Variants in NYAP2 observed in about 807,000 individuals in gnomAD.
NYAP2 encodes neuronal tyrosine-phosphorylated phosphoinositide-3-kinase adapter 2.
In NYAP2, 23 loss-of-function variants were observed where a neutral mutation model predicts 50.4. That is an observed-to-expected ratio of 0.46 (90% CI 0.33 to 0.65). The LOEUF (loss-of-function observed/expected upper bound fraction) is 0.65, where lower values mean the gene tolerates loss of function less well. Among genes scored for constraint, NYAP2 ranks in the 30% least tolerant of loss-of-function variants. The probability of loss-of-function intolerance (pLI) is 0.02; values close to 1 mark genes in which losing one functional copy is unlikely to be tolerated. For synonymous variants in NYAP2, 394 were observed against 365.2 expected (o/e 1.08, Z -0.90); for missense variants, 885 against 861.0 (o/e 1.03, Z -0.35).
intron 4 of NYAP2, among the ~76,000 whole-genome samples, chr2:225,558,167 T>G (rs1372778488): frequency 6.6e-6 from 1 of 152,160 alleles, no homozygotes; most frequent in Non-Finnish European, 1.5e-5. Flanking sequence ...TAGCCATGGA[T>G]GTAATAAAGT....
At chr2:225,538,063 A>G (rs1397943544) in intron 4 of NYAP2, among the ~76,000 whole-genome samples, 2 of 152,198 alleles carry the variant, frequency 1.3e-5, no homozygotes, top group Non-Finnish European at 2.9e-5. Flanking sequence ...CCATGGTCTC[A>G]GGCAGCTCCC....
chr2:225,646,803 T>C (rs1693642698), intron 6 of NYAP2, among the ~76,000 whole-genome samples: 1 of 152,028 alleles, frequency 6.6e-6, no homozygotes, highest in Non-Finnish European at 1.5e-5. Context: ...CAATGGGTGG[T>C]TAGTGATTTA....
intron 4 of NYAP2, among the ~76,000 whole-genome samples, chr2:225,522,123 C>T (rs1206309619): frequency 6.6e-6 from 1 of 151,772 alleles, no homozygotes; most frequent in Admixed American, 6.6e-5. Flanking sequence ...TGGTGATATC[C>T]CCTTTATCAT....
chr2:225,511,375 G>C (rs6758772), intron 3 of NYAP2, among the ~76,000 whole-genome samples: 11,798 of 96,574 alleles, frequency 0.12, 475 homozygotes, highest in Non-Finnish European at 0.15. Context: ...CACACACACA[G>C]AGAGAGAGAG....
chr2:225,500,418 G>T (rs913353809), intron 3 of NYAP2, among the ~76,000 whole-genome samples: 2 of 152,166 alleles, frequency 1.3e-5, no homozygotes, highest in African/African-American at 4.8e-5. Context: ...GTAAATACAT[G>T]GCTAGGATTT....
chr2:225,670,086 T>C, the NYAP2 span, among the ~76,000 whole-genome samples: 18 of 152,184 alleles, frequency 1.2e-4, no homozygotes, highest in Non-Finnish European at 1.5e-5. Flanking sequence ...GGCCCTACTT[T>C]GGAAGGTTTT....
chr2:225,466,239 G>A (rs575980029), intron 3 of NYAP2, among the ~76,000 whole-genome samples: 1 of 152,188 alleles, frequency 6.6e-6, no homozygotes, highest in Non-Finnish European at 1.5e-5. Context: ...GACAAATACT[G>A]TTTTCTATTT....
rs986154411 is a variant in NYAP2 at position 225,561,305 on chromosome 2, G to A, written c.524-20636G>A. Among the ~76,000 whole-genome samples, 8 of 152,158 alleles carry A rather than the reference G, an allele frequency of 5.3e-5. No homozygotes were observed. In the East Asian group the frequency reaches 1.4e-3, roughly 26 times the overall value. On this transcript the variant is annotated intron_variant, in intron 4 of 6. Transcript: ENST00000636099. Reference sequence around the variant, plus strand: ...ACATCGCTGGGGGAAGCACATTCCAGACAGAGGGAAGAGTTAGTACAAGGT... The same window carrying A: ...ACATCGCTGGGGGAAGCACATTCCAAACAGAGGGAAGAGTTAGTACAAGGT...
At chr2:225,613,171 G>A (rs1045313932) in intron 5 of NYAP2, among the ~76,000 whole-genome samples, 1 of 152,150 alleles carries the variant, frequency 6.6e-6, no homozygotes, top group African/African-American at 2.4e-5. Flanking sequence ...CAAAAGTAGG[G>A]AAGCCTACAG....
chr2:225,614,825 C>G (rs1692959239), intron 5 of NYAP2, among the ~76,000 whole-genome samples: 1 of 152,186 alleles, frequency 6.6e-6, no homozygotes, highest in Non-Finnish European at 1.5e-5. Context: ...AATAGTCCAA[C>G]TGCTATTGCA....
At chr2:225,686,866 TAGAA>T in the NYAP2 span, among the ~76,000 whole-genome samples, 1 of 152,088 alleles carries the variant, frequency 6.6e-6, no homozygotes, top group Admixed American at 6.6e-5. Flanking sequence ...CAATGACAAA[TAGAA>T]AGGTCAAATT....
chr2:225,625,041 C>A (rs76932240), intron 5 of NYAP2, among the ~76,000 whole-genome samples: 13,384 of 42,184 alleles, frequency 0.32, 878 homozygotes, highest in Middle Eastern at 0.38. Flanking sequence ...TTAACCCAAG[C>A]GTAAAAAAAA....
intron 3 of NYAP2, among the ~76,000 whole-genome samples, chr2:225,449,538 C>T (rs2106146514): frequency 6.8e-6 from 1 of 147,170 alleles, no homozygotes; most frequent in Non-Finnish European, 1.5e-5. Flanking sequence ...CTACATTTTT[C>T]ATTTTAAAAT....
chr2:225,526,123 A>G (rs1264219772), intron 4 of NYAP2, among the ~76,000 whole-genome samples: 1 of 152,206 alleles, frequency 6.6e-6, no homozygotes, highest in African/African-American at 2.4e-5. Context: ...ATTTGAGCTT[A>G]TGGGACCCTG....
intron 3 of NYAP2, among the ~76,000 whole-genome samples, chr2:225,452,555 A>G (rs1238721540): frequency 1.3e-5 from 2 of 152,138 alleles, no homozygotes; most frequent in East Asian, 1.9e-4. Flanking sequence ...CAGTCTTACC[A>G]CTTAGGGCCT....
intron 3 of NYAP2, among the ~76,000 whole-genome samples, chr2:225,455,252 C>T (rs1689721316): frequency 6.6e-6 from 1 of 152,200 alleles, no homozygotes; most frequent in African/African-American, 2.4e-5. Context: ...TTTTAAGCCA[C>T]TAAGTTCTGA....
At chr2:225,595,858 C>G (rs1692587925) in intron 5 of NYAP2, among the ~76,000 whole-genome samples, 1 of 152,190 alleles carries the variant, frequency 6.6e-6, no homozygotes, top group African/African-American at 2.4e-5. Flanking sequence ...CATTTCTTCT[C>G]CCTCATTCCA....
intron 3 of NYAP2, among the ~76,000 whole-genome samples, chr2:225,505,306 G>C (rs1233992135): frequency 3.3e-5 from 5 of 152,150 alleles, no homozygotes. Context: ...TATCATTGAG[G>C]ATATGAAGTG....
In NYAP2 at chr2:225,582,363, A is replaced by G. The variant is rs962811536; in HGVS notation, c.946A>G (p.Lys316Glu). The G allele has an allele frequency of 3.1e-6, 5 of 1,611,676 alleles. No individual in the cohort carries two copies. The African/African-American group carries it at 6.7e-5, about 22-fold the overall frequency. ...CAAGGCCTCAGTGCCATGCCCCCCC[A>G]AGGGGCTGCTTTGCGACATCCCTCC... Residue 316 changes from lysine to glutamate, a missense_variant, in exon 5 of 7, where the codon AAG becomes GAG. Coordinates refer to ENST00000636099, the Ensembl canonical transcript of NYAP2. The surrounding 1 kb of genome is among the most constrained non-coding windows in gnomAD (Gnocchi z 7.0).
Sources: allele counts gnomAD v4.1 joint callset (sites outside exome capture counted in the v4.1 genomes callset), GRCh38; gene constraint gnomAD v4.1.1; non-coding constraint Gnocchi (gnomAD v3.1); transcripts MANE v1.5; gene names NCBI Gene and HGNC (gene_info 2026-07-23, HGNC 2026-07-21).